RGS7: variants seen among roughly 807,000 people sequenced by gnomAD.
The protein encoded by RGS7 is regulator of G protein signaling 7.
In RGS7, 27 loss-of-function variants were observed where a neutral mutation model predicts 81.1. The observed-to-expected ratio is 0.33, with a 90% CI of 0.25 to 0.46. The LOEUF (loss-of-function observed/expected upper bound fraction) is 0.46, where lower values mean the gene tolerates loss of function less well. RGS7 is among the 20% of genes least tolerant of loss of function. The probability of loss-of-function intolerance (pLI) is 1.00; values close to 1 mark genes in which losing one functional copy is unlikely to be tolerated. For missense variants in RGS7, 396 were observed against 607.4 expected (o/e 0.65, Z 3.66); for synonymous variants, 208 against 207.7 (o/e 1.00, Z -0.01).
chr1:240,841,488 T>A (rs1200228143), intron 9 of RGS7, among the ~76,000 whole-genome samples: 2 of 152,132 alleles, frequency 1.3e-5, no homozygotes, highest in Non-Finnish European at 2.9e-5. Flanking sequence ...TAAAACCCCA[T>A]ATGAGAAAAA....
chr1:241,011,224 T>C (rs1345989725), intron 3 of RGS7, among the ~76,000 whole-genome samples: 1 of 152,204 alleles, frequency 6.6e-6, no homozygotes, highest in Non-Finnish European at 1.5e-5. Context: ...AAATGTACTG[T>C]TGACTGCCTC....
At chr1:240,832,520 A>G (rs1694015686) in intron 9 of RGS7, among the ~76,000 whole-genome samples, 1 of 152,360 alleles carries the variant, frequency 6.6e-6, no homozygotes, top group East Asian at 1.9e-4. Flanking sequence ...GAGGTGCAAA[A>G]GAGAAGCTGG....
chr1:241,181,615 A>T (rs2071627543), intron 2 of RGS7, among the ~76,000 whole-genome samples: 1 of 152,182 alleles, frequency 6.6e-6, no homozygotes, highest in Admixed American at 6.5e-5. Context: ...TTACAGGAGG[A>T]TACAGAAGAA....
chr1:240,806,083 T>A, intron 15 of RGS7, 57 bp downstream of exon 15: 1 of 1,426,756 alleles, frequency 7.0e-7, no homozygotes, highest in Non-Finnish European at 9.9e-7. Context: ...AATGAATACA[T>A]CTAACGCTCA....
At chr1:241,146,742 CTGAG>C (rs1415706587) in intron 2 of RGS7, among the ~76,000 whole-genome samples, 1 of 152,186 alleles carries the variant, frequency 6.6e-6, no homozygotes, top group Non-Finnish European at 1.5e-5. Context: ...ATACCATAGA[CTGAG>C]TGTCTTATAC....
intron 18 of RGS7, among the ~76,000 whole-genome samples, chr1:240,794,909 G>A (rs746087110): frequency 3.9e-5 from 6 of 152,082 alleles, no homozygotes; most frequent in East Asian, 1.9e-4. Flanking sequence ...AAGGCTGGGC[G>A]TGGTGGCTCA....
intron 2 of RGS7, among the ~76,000 whole-genome samples, chr1:241,186,304 C>T (rs2072095510): frequency 6.6e-6 from 1 of 151,920 alleles, no homozygotes; most frequent in African/African-American, 2.4e-5. Context: ...GAAAACAATC[C>T]AAATATCCTT....
chr1:241,235,909 T>TGAGAGAGAAAGAGAGAGAGAGA (rs11274117), intron 2 of RGS7, among the ~76,000 whole-genome samples: 2,021 of 137,952 alleles, frequency 0.015, 93 homozygotes, highest in Non-Finnish European at 0.019. Flanking sequence ...AGATGCACTT[T>TGAGAGAGAAAGAGAGAGAGAGA]GAGAGAGAGA....
At chr1:240,810,272 G>A (rs1450055875) in intron 14 of RGS7, among the ~76,000 whole-genome samples, 1 of 152,000 alleles carries the variant, frequency 6.6e-6, no homozygotes, top group Non-Finnish European at 1.5e-5. Flanking sequence ...AGAAGGCGAT[G>A]TTTTTATTTG....
intron 1 of RGS7, among the ~76,000 whole-genome samples, chr1:241,356,361 C>T (rs2083569529): frequency 6.6e-6 from 1 of 152,182 alleles, no homozygotes; most frequent in Non-Finnish European, 1.5e-5. Flanking sequence ...CCGGGTCTCC[C>T]ACACAGAGCC....
chr1:241,160,094 G>A (rs1294607199), intron 2 of RGS7, among the ~76,000 whole-genome samples: 1 of 126,420 alleles, frequency 7.9e-6, no homozygotes, highest in East Asian at 2.3e-4. Context: ...CTGGGTGACA[G>A]AGCGAGACTC....
At chr1:240,815,625 C>T (rs1478471732) in intron 11 of RGS7, among the ~76,000 whole-genome samples, 1 of 151,794 alleles carries the variant, frequency 6.6e-6, no homozygotes, top group Non-Finnish European at 1.5e-5. Context: ...TGTAAATATA[C>T]TAGAAAAGTA....
At chr1:241,039,924 G>A (rs1350611352) in intron 3 of RGS7, among the ~76,000 whole-genome samples, 1 of 152,160 alleles carries the variant, frequency 6.6e-6, no homozygotes, top group Non-Finnish European at 1.5e-5. Flanking sequence ...AAGATTCAGG[G>A]ACTTTGCTGT....
chr1:241,156,141 G>A (rs2069120772), intron 2 of RGS7, among the ~76,000 whole-genome samples: 1 of 128,334 alleles, frequency 7.8e-6, no homozygotes, highest in Admixed American at 8.6e-5. Flanking sequence ...ATGATAGATA[G>A]ATAGATAGAT....
Position 240,868,117 on chromosome 1 carries a change from GGAAAGAAA to G in RGS7, c.609+462_609+469del, listed in dbSNP as rs71172654. Among the ~76,000 whole-genome samples, 4,076 of 122,450 alleles carry G rather than the reference GGAAAGAAA, an allele frequency of 0.033. 133 individuals carry two copies. Among genetic ancestry groups the G allele is most frequent in the East Asian group, 0.14 (626 of 4,480 alleles). The allele number at this position is 122,450 out of a possible 152,430, so 80.3% of individuals were successfully genotyped here. ...GAAAAGAAAAAGAAAGAAAAGAAAAGGAAAGAAAGAAAGAAAGAAAGAAAGAAAGAAAG... is the reference window on the plus strand; with the variant it reads ...GAAAAGAAAAAGAAAGAAAAGAAAAGGAAAGAAAGAAAGAAAGAAAGAAAG... On this transcript the variant is annotated intron_variant, in intron 9 of 18. Coordinates refer to ENST00000440928, the MANE Select transcript of RGS7 (RefSeq NM_001364886.1). This position sits in a 1 kb window ranked among gnomAD's most constrained non-coding sequence, Gnocchi z 5.1.
chr1:241,185,934 A>G (rs1246916040), intron 2 of RGS7, among the ~76,000 whole-genome samples: 1 of 152,130 alleles, frequency 6.6e-6, no homozygotes, highest in Non-Finnish European at 1.5e-5. Context: ...AACAAATTAA[A>G]CCCAAAACAA....
chr1:241,076,511 T>G (rs79119078), intron 3 of RGS7, among the ~76,000 whole-genome samples: 1 of 152,208 alleles, frequency 6.6e-6, no homozygotes, highest in Non-Finnish European at 1.5e-5. Flanking sequence ...CATTCTCATA[T>G]AGTGTTCAGT....
intron 2 of RGS7, among the ~76,000 whole-genome samples, chr1:241,158,882 G>C (rs1346347709): frequency 1.3e-5 from 2 of 151,922 alleles, no homozygotes; most frequent in Non-Finnish European, 2.9e-5. Flanking sequence ...AAATGCCTGG[G>C]GTTTTCATAT....
intron 2 of RGS7, among the ~76,000 whole-genome samples, chr1:241,162,385 C>T (rs745391178): frequency 7.9e-5 from 12 of 152,192 alleles, no homozygotes; most frequent in African/African-American, 2.2e-4. Flanking sequence ...AAACACACTG[C>T]GCACGCAGCC....
Sources: allele counts gnomAD v4.1 joint callset (sites outside exome capture counted in the v4.1 genomes callset), GRCh38; gene constraint gnomAD v4.1.1; non-coding constraint Gnocchi (gnomAD v3.1); transcripts MANE v1.5; gene names NCBI Gene and HGNC (gene_info 2026-07-23, HGNC 2026-07-21).